The following KIF2A variants were observed in gnomAD, a reference collection of about 807,000 sequenced individuals.
KIF2A encodes kinesin family member 2A.
Under a neutral mutation model 100.2 loss-of-function variants are expected in KIF2A, and 22 were observed. That is an observed-to-expected ratio of 0.22 (90% CI 0.16 to 0.31). The LOEUF is 0.31. KIF2A is among the 10% of genes least tolerant of loss of function. The pLI, the probability that KIF2A is intolerant of heterozygous loss-of-function variation, is 1.00. For missense variants in KIF2A, 495 were observed against 898.7 expected (o/e 0.55, Z 5.74); for synonymous variants, 268 against 285.9 (o/e 0.94, Z 0.63).
chr5:62,317,433 T>C (rs1217796144), intron 1 of KIF2A, among the ~76,000 whole-genome samples: 1 of 152,218 alleles, frequency 6.6e-6, no homozygotes, highest in East Asian at 1.9e-4. Flanking sequence ...GAAAGCTCTT[T>C]GATGAAATAC....
chr5:62,331,429 T>C (rs898114393), intron 1 of KIF2A, among the ~76,000 whole-genome samples: 2 of 151,268 alleles, frequency 1.3e-5, no homozygotes, highest in Non-Finnish European at 2.9e-5. Flanking sequence ...AAAAAAATTA[T>C]GTTTTCTGGG....
intron 18 of KIF2A, among the ~76,000 whole-genome samples, chr5:62,377,282 A>T (rs1468367819): frequency 6.6e-6 from 1 of 152,240 alleles, no homozygotes; most frequent in Non-Finnish European, 1.5e-5. Context: ...AAACTTAAAC[A>T]TGTAAATTAA....
chr5:62,337,056 A>G (rs1746992500), intron 1 of KIF2A, among the ~76,000 whole-genome samples: 1 of 142,264 alleles, frequency 7.0e-6, no homozygotes, highest in African/African-American at 2.6e-5. Context: ...TATTAAGGAA[A>G]TTGGATCTTC....
At chr5:62,373,983 G>C (rs1561280020) in intron 18 of KIF2A, 146 bp downstream of exon 18, 3 of 650,388 alleles carry the variant, frequency 4.6e-6, no homozygotes, top group Non-Finnish European at 7.9e-6. Flanking sequence ...GAGGCTGAGT[G>C]AGAGGACTGC....
intron 7 of KIF2A, 145 bp from the exon 8 acceptor site, chr5:62,357,546 C>A: frequency 2.1e-6 from 1 of 465,742 alleles, no homozygotes; most frequent in Non-Finnish European, 3.8e-6. Flanking sequence ...AAAATTTGTG[C>A]AAAGCTAATT....
In KIF2A at chr5:62,356,728, G is replaced by A. The variant is rs532688541; in HGVS notation, c.655-963G>A. Among the ~76,000 whole-genome samples the A allele has an allele frequency of 2.1e-4, 32 of 151,220 alleles. No homozygotes were observed. In the South Asian group the frequency reaches 6.7e-3, roughly 32 times the overall value. On this transcript the variant is annotated intron_variant, in intron 7 of 20. Transcript: ENST00000407818. ...TCAACCTATGAAAATATGTCACTTA[G>A]TAGAATAGAAATGTTGACTTTTGTT...
At chr5:62,382,486 A>C (rs921478256) in intron 20 of KIF2A, among the ~76,000 whole-genome samples, 2 of 152,186 alleles carry the variant, frequency 1.3e-5, no homozygotes, top group African/African-American at 4.8e-5. Context: ...AATAGGTACA[A>C]CATGATGTTT....
chr5:62,317,310 A>G (rs561678295), intron 1 of KIF2A, among the ~76,000 whole-genome samples: 5 of 152,196 alleles, frequency 3.3e-5, no homozygotes, highest in Non-Finnish European at 7.3e-5. Flanking sequence ...GGCCTCCCAA[A>G]GTGCTGGGAT....
At chr5:62,311,320 G>A (rs894628055) in intron 1 of KIF2A, among the ~76,000 whole-genome samples, 1 of 152,168 alleles carries the variant, frequency 6.6e-6, no homozygotes. Context: ...TCGGAGAAAG[G>A]CACCAGCGAG....
At chr5:62,344,702 T>G (rs557382742) in intron 1 of KIF2A, among the ~76,000 whole-genome samples, 79 of 152,370 alleles carry the variant, frequency 5.2e-4, no homozygotes, top group Non-Finnish European at 3.7e-4. Context: ...GGCAAACAGT[T>G]GGAAATAATA....
intron 1 of KIF2A, among the ~76,000 whole-genome samples, chr5:62,317,001 A>G (rs566946450): frequency 2.6e-5 from 4 of 151,914 alleles, no homozygotes; most frequent in African/African-American, 7.2e-5. Context: ...AAATTTTTCA[A>G]TGAGCTATAG....
chr5:62,382,252 T>C (rs1434270449), intron 20 of KIF2A, among the ~76,000 whole-genome samples: 1 of 152,166 alleles, frequency 6.6e-6, no homozygotes, highest in Non-Finnish European at 1.5e-5. Context: ...CTGGGCAACA[T>C]AGAGATCCCA....
intron 4 of KIF2A, 128 bp downstream of exon 4, chr5:62,350,248 A>G: frequency 3.3e-6 from 2 of 603,256 alleles, no homozygotes; most frequent in Non-Finnish European, 5.7e-6. Flanking sequence ...TAATTTTAAG[A>G]GGTGCTTTTT....
At chr5:62,321,179 T>TG (rs1420082423) in intron 1 of KIF2A, among the ~76,000 whole-genome samples, 8 of 152,242 alleles carry the variant, frequency 5.3e-5, no homozygotes, top group Non-Finnish European at 1.2e-4. Flanking sequence ...GATAGACATT[T>TG]GGGTTTCCCA....
chr5:62,308,937 A>G (rs1377505256), intron 1 of KIF2A, among the ~76,000 whole-genome samples: 1 of 152,222 alleles, frequency 6.6e-6, no homozygotes, highest in South Asian at 2.1e-4. Flanking sequence ...AATGATAGCT[A>G]TATTAATCTG....
chr5:62,347,229 G>T lies in KIF2A; in HGVS notation c.159+5G>T. On this transcript the variant is annotated splice_donor_5th_base_variant and intron_variant, in intron 2 of 20. Coordinates refer to ENST00000407818, the MANE Select transcript of KIF2A (RefSeq NM_001098511.3). ...GGAGATACAAAAGGCAAAGAGGTAAGATCACTGAGTTTAATTTTATTCCTA... is the reference window on the plus strand; with the variant it reads ...GGAGATACAAAAGGCAAAGAGGTAATATCACTGAGTTTAATTTTATTCCTA... 1 of 1,466,716 alleles carries T rather than the reference G, an allele frequency of 6.8e-7. No homozygotes were observed. 90.9% of individuals were successfully genotyped at this position (1,466,716 alleles called of 1,614,324 possible). A position where few individuals can be genotyped will look rare whatever the true frequency, so the allele number is the denominator to read the frequency against.
intron 8 of KIF2A, 124 bp from the exon 9 acceptor site, chr5:62,358,013 A>G (rs1398870529): frequency 1.3e-6 from 1 of 750,686 alleles, no homozygotes; most frequent in Non-Finnish European, 2.1e-6. Flanking sequence ...TTTTTATGGG[A>G]TATTATCTTT....
chr5:62,338,415 A>G (rs980869711), intron 1 of KIF2A, among the ~76,000 whole-genome samples: 2 of 152,022 alleles, frequency 1.3e-5, no homozygotes, highest in Non-Finnish European at 2.9e-5. Flanking sequence ...CAGCCTCCCA[A>G]GTATCTGGGA....
At chr5:62,379,779 A>G (rs1200349596) in intron 19 of KIF2A, among the ~76,000 whole-genome samples, 1 of 152,228 alleles carries the variant, frequency 6.6e-6, no homozygotes, top group Admixed American at 6.5e-5. Context: ...AATTATAATT[A>G]GTCATTAAAG....
Sources: gnomAD v4.1 joint callset for allele counts (sites outside exome capture counted in the v4.1 genomes callset) on GRCh38, gnomAD v4.1.1 for gene constraint, MANE v1.5 for transcripts, NCBI Gene and HGNC (gene_info 2026-07-23, HGNC 2026-07-21) for gene names.